USP25: variants seen among roughly 807,000 people sequenced by gnomAD.
USP25 encodes the protein ubiquitin carboxyl-terminal hydrolase 25.
Under a neutral mutation model 158.5 loss-of-function variants are expected in USP25, and 85 were observed. The observed-to-expected ratio is 0.54, with a 90% CI of 0.45 to 0.64. The LOEUF is 0.64. Among genes scored for constraint, USP25 ranks in the 30% least tolerant of loss-of-function variants. The pLI, the probability that USP25 is intolerant of heterozygous loss-of-function variation, is 0.00. For synonymous variants in USP25, 464 were observed against 460.4 expected (o/e 1.01, Z -0.10); for missense variants, 1,242 against 1,327.3 (o/e 0.94, Z 1.00).
At chr21:15,786,584 T>TA (rs2035288851) in intron 4 of USP25, among the ~76,000 whole-genome samples, 1 of 152,116 alleles carries the variant, frequency 6.6e-6, no homozygotes, top group South Asian at 2.1e-4. Flanking sequence ...CCCTTCATGA[T>TA]AAAAACTCTC....
intron 9 of USP25, among the ~76,000 whole-genome samples, chr21:15,814,816 A>G (rs543012224): frequency 6.6e-6 from 1 of 152,220 alleles, no homozygotes; most frequent in Non-Finnish European, 1.5e-5. Context: ...CTGATGATCC[A>G]GTAGAGCAGA....
At chr21:15,867,195 T>A (rs1052498858) in intron 22 of USP25, among the ~76,000 whole-genome samples, 3 of 152,178 alleles carry the variant, frequency 2.0e-5, no homozygotes, top group African/African-American at 4.8e-5. Flanking sequence ...TTCACATTTT[T>A]AAATTTAATC....
At chr21:15,748,020 C>A (rs914704021) in intron 1 of USP25, among the ~76,000 whole-genome samples, 1 of 152,146 alleles carries the variant, frequency 6.6e-6, no homozygotes, top group Non-Finnish European at 1.5e-5. Context: ...TCCTGTTTCA[C>A]AAAGATAGTC....
In USP25 at chr21:15,849,807, A is replaced by G; in HGVS notation, c.2482A>G (p.Ile828Val). 6.5e-7 allele frequency: 1 copy of G among 1,544,634 alleles called. No individual in the cohort carries two copies. The highest frequency in any genetic ancestry group is 8.7e-7 in the Non-Finnish European group (1 of 1,144,264). ...GATGACACCGAACATGCAAGGTATT[A>G]TCATGGCGATAGGTAAATCCAGGAG... ...IMMTPNMQGIIMAIGKSRSVY... is the reference protein window; with the variant it reads ...IMMTPNMQGIVMAIGKSRSVY... The change falls in exon 20 of 26, where the codon ATC (isoleucine) becomes GTC (valine). Residue 828 changes from isoleucine (I) to valine (V), a missense_variant. Ile to Val is a conservative substitution (Grantham distance 29). This residue lies in a region of USP25 where 608 missense variants were observed against 605.2 expected (regional missense o/e 1.00). Transcript: ENST00000400183.
chr21:15,748,213 T>C (rs1201869860), intron 1 of USP25, among the ~76,000 whole-genome samples: 4 of 152,206 alleles, frequency 2.6e-5, no homozygotes, highest in Admixed American at 2.6e-4. Context: ...CAACAGTATG[T>C]ATACTTTTTA....
chr21:15,857,510 G>A (rs552339800), intron 20 of USP25, among the ~76,000 whole-genome samples: 27 of 152,046 alleles, frequency 1.8e-4, no homozygotes, highest in Non-Finnish European at 2.9e-4. Flanking sequence ...TGATCTTTGT[G>A]AGGGTCAGTT....
intron 17 of USP25, among the ~76,000 whole-genome samples, chr21:15,839,601 G>A (rs2038230441): frequency 6.6e-6 from 1 of 152,080 alleles, no homozygotes; most frequent in Admixed American, 6.6e-5. Context: ...AATGCAAAGA[G>A]TTTTAAATTT....
At chr21:15,749,011 T>TG (rs1341936039) in intron 1 of USP25, among the ~76,000 whole-genome samples, 5 of 151,954 alleles carry the variant, frequency 3.3e-5, no homozygotes, top group African/African-American at 1.2e-4. Flanking sequence ...CTCTCAAGTG[T>TG]GTTTTTTTTT....
intron 9 of USP25, among the ~76,000 whole-genome samples, chr21:15,815,730 A>T (rs551716901): frequency 2.0e-5 from 3 of 152,312 alleles, no homozygotes; most frequent in African/African-American, 7.2e-5. Context: ...TCAGGAAAAA[A>T]ATCAGTCAGT....
At chr21:15,748,490 G>A (rs2032746585) in intron 1 of USP25, among the ~76,000 whole-genome samples, 1 of 143,402 alleles carries the variant, frequency 7.0e-6, no homozygotes, top group African/African-American at 2.6e-5. Context: ...TGTAGAGATG[G>A]GGTCTCGCTC....
At chr21:15,810,242 G>T (rs373090668) in intron 8 of USP25, among the ~76,000 whole-genome samples, 11 of 152,108 alleles carry the variant, frequency 7.2e-5, no homozygotes, top group Middle Eastern at 3.4e-3. Flanking sequence ...ACCTACTGGG[G>T]TTCTTGTAAG....
chr21:15,851,939 T>C (rs986669245), intron 20 of USP25, among the ~76,000 whole-genome samples: 9 of 152,132 alleles, frequency 5.9e-5, no homozygotes, highest in African/African-American at 2.2e-4. Context: ...TTTTCTTTAT[T>C]GGTTTGCTCT....
chr21:15,812,290 T>TAA (rs2036705400), intron 9 of USP25, among the ~76,000 whole-genome samples: 2 of 152,126 alleles, frequency 1.3e-5, no homozygotes, highest in South Asian at 4.1e-4. Flanking sequence ...GCACTGTTTA[T>TAA]AATACCCTGC....
At chr21:15,762,428 C>T (rs2033784745) in intron 1 of USP25, among the ~76,000 whole-genome samples, 1 of 152,094 alleles carries the variant, frequency 6.6e-6, no homozygotes, top group African/African-American at 2.4e-5. Flanking sequence ...TCTTTTATGA[C>T]AGATTGGACA....
At chr21:15,834,649 C>G (rs1048286066) in intron 17 of USP25, among the ~76,000 whole-genome samples, 2 of 152,180 alleles carry the variant, frequency 1.3e-5, no homozygotes, top group African/African-American at 4.8e-5. Context: ...CGCAGGCATG[C>G]ACAAATCTGT....
chr21:15,859,514 G>T (rs557364442), intron 20 of USP25, among the ~76,000 whole-genome samples: 49 of 152,090 alleles, frequency 3.2e-4, no homozygotes, highest in African/African-American at 1.2e-3. Context: ...TGTTTTTCTG[G>T]CTCTGTGGCA....
At chr21:15,741,285 G>A (rs892204402) in intron 1 of USP25, among the ~76,000 whole-genome samples, 11 of 140,150 alleles carry the variant, frequency 7.8e-5, no homozygotes, top group African/African-American at 1.1e-4. Context: ...ACCTTTTGAT[G>A]TACTTTTTTT....
At chr21:15,872,722 A>G (rs1037631454) in intron 23 of USP25, among the ~76,000 whole-genome samples, 3 of 152,212 alleles carry the variant, frequency 2.0e-5, no homozygotes, top group African/African-American at 7.2e-5. Flanking sequence ...CCTATTTATC[A>G]TGACACCTTC....
At chr21:15,814,332 A>G (rs1453846502) in intron 9 of USP25, among the ~76,000 whole-genome samples, 1 of 151,612 alleles carries the variant, frequency 6.6e-6, no homozygotes, top group African/African-American at 2.4e-5. Context: ...AGAATGGACT[A>G]ATACAGTAAA....
Sources: gnomAD v4.1 joint callset for allele counts (sites outside exome capture counted in the v4.1 genomes callset) on GRCh38, gnomAD v4.1.1 for gene constraint, gnomAD v4.1.1 regional missense constraint, MANE v1.5 for transcripts, NCBI Gene and HGNC (gene_info 2026-07-23, HGNC 2026-07-21) for gene names.